The following CAMTA1 variants were observed in gnomAD, a reference collection of about 807,000 sequenced individuals.
CAMTA1 encodes calmodulin-binding transcription activator 1.
Under a neutral mutation model 170.9 loss-of-function variants are expected in CAMTA1, and 27 were observed. The observed-to-expected ratio is 0.16, with a 90% CI of 0.12 to 0.22. CAMTA1 has a LOEUF of 0.22. Ranked by LOEUF, CAMTA1 falls within the 10% of genes least tolerant of loss-of-function variation. The pLI is 1.00. For synonymous variants in CAMTA1, 833 were observed against 891.5 expected, an observed-to-expected ratio of 0.93 and a Z score of 1.17; for missense variants, 1,619 against 2,217.2, an observed-to-expected ratio of 0.73 and a Z score of 5.42.
At chr1:7,288,675 G>A (rs1672681934) in intron 5 of CAMTA1, among the ~76,000 whole-genome samples, 1 of 152,190 alleles carries the variant, frequency 6.6e-6, no homozygotes, top group South Asian at 2.1e-4. Context: ...TGGGGAAGAG[G>A]ACTGAAAGAG....
intron 3 of CAMTA1, among the ~76,000 whole-genome samples, chr1:7,061,316 G>A (rs1481218372): frequency 6.6e-6 from 1 of 152,218 alleles, no homozygotes; most frequent in Non-Finnish European, 1.5e-5. Flanking sequence ...CCACAAATAC[G>A]TGTCCACCGT....
chr1:6,982,639 C>G (rs1694631444), intron 3 of CAMTA1, among the ~76,000 whole-genome samples: 1 of 151,900 alleles, frequency 6.6e-6, no homozygotes, highest in African/African-American at 2.4e-5. Flanking sequence ...AAGTCACAGG[C>G]AGCATGGCCC....
chr1:7,372,194 A>AG (rs758457619), intron 5 of CAMTA1, among the ~76,000 whole-genome samples: 27 of 152,020 alleles, frequency 1.8e-4, no homozygotes, highest in Non-Finnish European at 3.5e-4. Context: ...AACCTCCCTT[A>AG]ATCTCCAGCC....
intron 6 of CAMTA1, among the ~76,000 whole-genome samples, chr1:7,513,782 C>T (rs935229236): frequency 6.6e-6 from 1 of 152,152 alleles, no homozygotes; most frequent in East Asian, 1.9e-4. Context: ...ATTAGCCAGG[C>T]GTGGTGGCGC....
At chr1:7,276,521 G>C (rs1257131140) in intron 5 of CAMTA1, among the ~76,000 whole-genome samples, 2 of 151,426 alleles carry the variant, frequency 1.3e-5, no homozygotes, top group Non-Finnish European at 2.9e-5. Context: ...ATGTTAGCCA[G>C]GATGGTCTCA....
chr1:6,968,866 T>C (rs989935221), intron 3 of CAMTA1, among the ~76,000 whole-genome samples: 2 of 152,006 alleles, frequency 1.3e-5, no homozygotes, highest in Non-Finnish European at 2.9e-5. Flanking sequence ...GGGATGTGAC[T>C]AGGGAGCTGC....
At chr1:7,489,201 G>A (rs1404976049) in intron 6 of CAMTA1, among the ~76,000 whole-genome samples, 4 of 152,294 alleles carry the variant, frequency 2.6e-5, no homozygotes, top group East Asian at 1.9e-4. Context: ...GATGCCTGCC[G>A]CCCCCTAGAC....
At position 7,510,128 on chromosome 1, in the gene CAMTA1, C is replaced by T. The variant is rs185244468; in HGVS notation, c.510+42227C>T. ...ATTTTCACATCAGGAGGAGATTCCACGCTTGGTACGACGGCACTCGAGATA... is the reference window on the plus strand; with the variant it reads ...ATTTTCACATCAGGAGGAGATTCCATGCTTGGTACGACGGCACTCGAGATA... On this transcript the variant is annotated intron_variant, in intron 6 of 22. Transcript: ENST00000303635. Among the ~76,000 whole-genome samples the T allele has an allele frequency of 3.0e-4, 40 of 131,666 alleles. 3 individuals carry two copies. The highest frequency in any genetic ancestry group is 2.1e-3 in the Admixed American group (27 of 12,698). The allele number at this position is 131,666 out of a possible 152,430, so 86.4% of individuals were successfully genotyped here.
chr1:7,036,322 A>C (rs1414885631), intron 3 of CAMTA1, among the ~76,000 whole-genome samples: 1 of 152,206 alleles, frequency 6.6e-6, no homozygotes, highest in Non-Finnish European at 1.5e-5. Context: ...AGAAGAGAGA[A>C]TGTGTGAACA....
intron 6 of CAMTA1, among the ~76,000 whole-genome samples, chr1:7,526,078 T>A (rs544956317): frequency 6.6e-6 from 1 of 152,202 alleles, no homozygotes; most frequent in East Asian, 1.9e-4. Flanking sequence ...AAAAAATCCA[T>A]GATAAACACA....
rs1557771241 is a variant in CAMTA1, at chr1:7,472,545, TG to T, written c.510+4649del. On this transcript the variant is annotated intron_variant, in intron 6 of 22. Transcript: ENST00000303635. ...CATCGCTGCCCTCCGCTGCCTCCCC[TG>T]GGGGCACCACCATCACCCCTGTTTA... Among the ~76,000 whole-genome samples, 3 of 152,166 alleles carry T rather than the reference TG, an allele frequency of 2.0e-5. No individual in the cohort carries two copies. In the East Asian group the frequency reaches 5.8e-4, roughly 29 times the overall value.
chr1:7,226,469 A>T (rs1208858256), intron 4 of CAMTA1, among the ~76,000 whole-genome samples: 1 of 152,156 alleles, frequency 6.6e-6, no homozygotes, highest in Non-Finnish European at 1.5e-5. Context: ...TTTCTCTCTG[A>T]TAAAGATAGA....
At position 7,257,080 on chromosome 1, in the gene CAMTA1, GGC is replaced by G. The variant is rs1491344043; in HGVS notation, c.438+7456_438+7457del. 1.2e-3 allele frequency among the ~76,000 whole-genome samples: 186 copies of G among 150,678 alleles called. 3 individuals carry two copies. The highest frequency in any genetic ancestry group is 4.4e-3 in the African/African-American group (177 of 40,368). ...CTTCCACATACCATCGCATGGCGGG[GGC>G]GGGGGTTGGTTTTCATCATATACAT... On this transcript the variant is annotated intron_variant, in intron 5 of 22. Transcript: ENST00000303635.
intron 6 of CAMTA1, among the ~76,000 whole-genome samples, chr1:7,636,482 C>T (rs1202130671): frequency 1.3e-5 from 2 of 152,104 alleles, no homozygotes. Flanking sequence ...TTTAGGAGGC[C>T]AAGGTGGGTG....
chr1:7,350,499 C>A (rs374804709), intron 5 of CAMTA1, among the ~76,000 whole-genome samples: 1 of 152,192 alleles, frequency 6.6e-6, no homozygotes, highest in Non-Finnish European at 1.5e-5. Context: ...GTAGCCTCTC[C>A]GTTTCTGCGA....
rs376032491 is a variant in CAMTA1, at chr1:6,802,933, CAG to C, written c.46-17247_46-17246del. 1.6e-4 allele frequency among the ~76,000 whole-genome samples: 25 copies of C among 152,260 alleles called. No homozygotes were observed. The East Asian group carries it at 3.7e-3, about 22-fold the overall frequency. ...CTGATTTTTATGTTTTTAGTAGAGA[CAG>C]GGGTTTCATTATGTTGCCTAGGCTG... On this transcript the variant is annotated intron_variant, in intron 1 of 22. Transcript: ENST00000303635.
chr1:7,380,906 C>A (rs574179377), intron 5 of CAMTA1, among the ~76,000 whole-genome samples: 4 of 152,300 alleles, frequency 2.6e-5, no homozygotes, highest in African/African-American at 9.6e-5. Flanking sequence ...ACAATGAGAG[C>A]AGTGGCTAGT....
intron 3 of CAMTA1, among the ~76,000 whole-genome samples, chr1:7,027,568 C>A (rs964766945): frequency 6.6e-6 from 1 of 152,180 alleles, no homozygotes; most frequent in Non-Finnish European, 1.5e-5. Context: ...TGCGGTGACG[C>A]CCTGGCTGGT....
chr1:7,489,796 A>AT (rs1415191828), intron 6 of CAMTA1, among the ~76,000 whole-genome samples: 5 of 152,066 alleles, frequency 3.3e-5, no homozygotes, highest in Admixed American at 2.0e-4. Flanking sequence ...AGCAGTTCCC[A>AT]TGCCAGGGGC....
Sources: allele counts gnomAD v4.1 joint callset (sites outside exome capture counted in the v4.1 genomes callset), GRCh38; gene constraint gnomAD v4.1.1; transcripts MANE v1.5; gene names NCBI Gene and HGNC (gene_info 2026-07-23, HGNC 2026-07-21).